The following CSNK1G3 variants were observed in gnomAD, a reference collection of about 807,000 sequenced individuals.
CSNK1G3 encodes casein kinase I isoform gamma-3.
Under a neutral mutation model 64.3 loss-of-function variants are expected in CSNK1G3, and 23 were observed. That is an observed-to-expected ratio of 0.36 (90% CI 0.26 to 0.51). The LOEUF is 0.51. CSNK1G3 is among the 20% of genes least tolerant of loss of function. The pLI, the probability that CSNK1G3 is intolerant of heterozygous loss-of-function variation, is 0.96. For missense variants in CSNK1G3, 357 were observed against 510.5 expected (o/e 0.70, Z 2.90); for synonymous variants, 158 against 162.2 (o/e 0.97, Z 0.20).
intron 1 of CSNK1G3, among the ~76,000 whole-genome samples, chr5:123,535,492 C>T (rs541004624): frequency 2.0e-5 from 3 of 152,056 alleles, no homozygotes; most frequent in African/African-American, 4.8e-5. Flanking sequence ...AGGGAAAATA[C>T]TATAACATAC....
At chr5:123,604,664 G>A (rs1344161812) in intron 10 of CSNK1G3, 60 bp from the exon 12 acceptor site, 4 of 791,250 alleles carry the variant, frequency 5.1e-6, no homozygotes, top group Non-Finnish European at 8.3e-6. Flanking sequence ...TAATATGTAT[G>A]TATATTTATG....
chr5:123,538,000 A>G (rs115634427), intron 1 of CSNK1G3, among the ~76,000 whole-genome samples: 1,799 of 152,302 alleles, frequency 0.012, 41 homozygotes, highest in African/African-American at 0.04. Context: ...ATATTGTTGC[A>G]TGTATCAGCA....
In CSNK1G3 at chr5:123,582,124, G is replaced by A. The variant is rs144863794; in HGVS notation, c.674-5944G>A. On this transcript the variant is annotated intron_variant, in intron 6 of 12. Coordinates refer to ENST00000345990, the Ensembl canonical transcript of CSNK1G3. ...GTTAACGAAAAAGGGAATTTTTTTT[G>A]TTGAAAATTGAATTGAAATTTCAAT... Among the ~76,000 whole-genome samples the A allele has an allele frequency of 5.3e-5, 8 of 152,002 alleles. No individual in the cohort carries two copies. The East Asian group carries it at 1.5e-3, about 29-fold the overall frequency.
chr5:123,583,199 A>T (rs1487503469), intron 6 of CSNK1G3, among the ~76,000 whole-genome samples: 1 of 152,188 alleles, frequency 6.6e-6, no homozygotes, highest in Non-Finnish European at 1.5e-5. Flanking sequence ...TTTTACATGT[A>T]TAGTATTTTA....
At chr5:123,576,042 C>A in intron 6 of CSNK1G3, 79 bp downstream of exon 6, 1 of 836,376 alleles carries the variant, frequency 1.2e-6, no homozygotes, top group Non-Finnish European at 1.9e-6. Flanking sequence ...TGTTATGGTT[C>A]AGTTTTTGCA....
At chr5:123,545,488 GA>G (rs1782376957) in exon 2 of CSNK1G3, 2 of 476,664 alleles carry the variant, frequency 4.2e-6, no homozygotes, top group Non-Finnish European at 7.4e-6. Context: ...AAGACACTAA[GA>G]AAAATTTTAC....
At chr5:123,572,717 C>CT (rs1788366027) in intron 4 of CSNK1G3, among the ~76,000 whole-genome samples, 2 of 152,192 alleles carry the variant, frequency 1.3e-5, no homozygotes, top group Non-Finnish European at 2.9e-5. Context: ...TGGTTTGCTA[C>CT]TTTAAGGCCA....
In CSNK1G3 at chr5:123,536,442, A is replaced by T. The variant is rs1251403767; in HGVS notation, c.-247-8975A>T. On this transcript the variant is annotated intron_variant, in intron 1 of 12. Transcript: ENST00000345990. The stretch of plus-strand genomic sequence containing the variant: ...ATGAAGGGCTTTTTTTTTTTTTTTA[A>T]AAAAAAAAGCTTCTTAAAGCTAGAT... Among the ~76,000 whole-genome samples the T allele has an allele frequency of 3.1e-4, 41 of 131,902 alleles. 1 individual carries two copies. Among genetic ancestry groups the T allele is most frequent in the African/African-American group, 9.8e-4 (34 of 34,814 alleles). The allele number at this position is 131,902 out of a possible 152,430, so 86.5% of individuals were successfully genotyped here. A position where few individuals can be genotyped will look rare whatever the true frequency, so the allele number is the denominator to read the frequency against.
At chr5:123,614,604 G>A in exon 13 of CSNK1G3, 1 of 444,466 alleles carries the variant, frequency 2.2e-6, no homozygotes, top group South Asian at 3.7e-5. Flanking sequence ...AAGCTTTAAA[G>A]TTTTGTCAAA....
chr5:123,524,793 G>A (rs1183693355), intron 1 of CSNK1G3, among the ~76,000 whole-genome samples: 1 of 152,162 alleles, frequency 6.6e-6, no homozygotes, highest in African/African-American at 2.4e-5. Context: ...TTAAGGGAAT[G>A]GTTATTGTAC....
chr5:123,513,841 T>C (rs1776666548), intron 1 of CSNK1G3, among the ~76,000 whole-genome samples: 1 of 152,138 alleles, frequency 6.6e-6, no homozygotes, highest in Non-Finnish European at 1.5e-5. Context: ...TTTAAGAAAA[T>C]ATTTTTCACC....
rs897135194 is a variant in CSNK1G3, at chr5:123,588,349, T to C, written c.760-78T>C. The C allele has an allele frequency of 4.8e-6, 6 of 1,248,868 alleles. No individual in the cohort carries two copies. In the African/African-American group the frequency reaches 8.9e-5, roughly 19 times the overall value. 77.4% of individuals were successfully genotyped at this position (1,248,868 alleles called of 1,614,324 possible). On this transcript the variant is annotated intron_variant, in intron 7 of 12. Transcript: ENST00000345990. Reference sequence around the variant, plus strand: ...GCCTTGGCCTTCCAAAGCTCTGTGATTACAGGCTACCGTGTGCAGTCCCAG... The same window carrying C: ...GCCTTGGCCTTCCAAAGCTCTGTGACTACAGGCTACCGTGTGCAGTCCCAG...
chr5:123,588,003 A>G, intron 6 of CSNK1G3, 65 bp from the exon 7 acceptor site: 1 of 1,019,818 alleles, frequency 9.8e-7, no homozygotes, highest in Non-Finnish European at 1.5e-6. Flanking sequence ...GAAAGAACAA[A>G]CTCTCCATTC....
intron 10 of CSNK1G3, among the ~76,000 whole-genome samples, chr5:123,597,063 T>C (rs1390951074): frequency 6.6e-6 from 1 of 152,166 alleles, no homozygotes; most frequent in African/African-American, 2.4e-5. Context: ...GATATTATAA[T>C]TGAATACTAT....
In CSNK1G3 at chr5:123,557,578, T is replaced by G. The variant is rs1454237375; in HGVS notation, c.289+14T>G. On this transcript the variant is annotated intron_variant, in intron 4 of 12. Coordinates refer to ENST00000345990, the Ensembl canonical transcript of CSNK1G3. ...TAGGATCTGGAGGTAAAGTCTTATA[T>G]TAATTTTTAAATTTGAAATAAAGTG... 1.9e-5 allele frequency: 28 copies of G among 1,505,142 alleles called. No individual in the cohort carries two copies. Among genetic ancestry groups the G allele is most frequent in the Non-Finnish European group, 2.4e-5 (27 of 1,104,586 alleles). The allele number at this position is 1,505,142 out of a possible 1,614,324, so 93.2% of individuals were successfully genotyped here. A position where few individuals can be genotyped will look rare whatever the true frequency, so the allele number is the denominator to read the frequency against.
chr5:123,572,736 G>A (rs1197289890), intron 4 of CSNK1G3, among the ~76,000 whole-genome samples: 1 of 152,190 alleles, frequency 6.6e-6, no homozygotes, highest in Non-Finnish European at 1.5e-5. Flanking sequence ...CAGCAGGAGA[G>A]TTTCTCTGCT....
chr5:123,598,214 T>C (rs1793797814), intron 10 of CSNK1G3, among the ~76,000 whole-genome samples: 1 of 152,164 alleles, frequency 6.6e-6, no homozygotes, highest in Non-Finnish European at 1.5e-5. Flanking sequence ...CGGTTCCCTC[T>C]TAGAATCATT....
intron 1 of CSNK1G3, among the ~76,000 whole-genome samples, chr5:123,521,655 C>T (rs1024362714): frequency 6.6e-6 from 1 of 151,932 alleles, no homozygotes; most frequent in African/African-American, 2.4e-5. Context: ...TAAAAATTTC[C>T]AGTTGAAAAT....
Position 123,553,609 on chromosome 5 carries a change from C to T in CSNK1G3, c.219+462C>T, listed in dbSNP as rs187918797. 3.5e-3 allele frequency among the ~76,000 whole-genome samples: 528 copies of T among 152,216 alleles called. 4 individuals carry two copies. The highest frequency in any genetic ancestry group is 5.8e-3 in the Non-Finnish European group (392 of 68,004). ...TATGGCAAAGCTGGCTATTGCTTGA[C>T]TTTGAGGGATGCAGAAATGCTTGAT... is the stretch of plus-strand genomic sequence containing the variant. On this transcript the variant is annotated intron_variant, in intron 3 of 12. Transcript: ENST00000345990.
Sources: allele counts gnomAD v4.1 joint callset (sites outside exome capture counted in the v4.1 genomes callset), GRCh38; gene constraint gnomAD v4.1.1; transcripts MANE v1.5; gene names NCBI Gene and HGNC (gene_info 2026-07-23, HGNC 2026-07-21).